Variants in RASGRP1 observed in about 807,000 individuals in gnomAD.
RASGRP1 encodes the protein RAS guanyl-releasing protein 1.
RASGRP1 carries 37 observed loss-of-function variants against 95.1 expected under a neutral mutation model. That is an observed-to-expected ratio of 0.39 (90% CI 0.30 to 0.51). RASGRP1 has a LOEUF of 0.51. RASGRP1 is among the 20% of genes least tolerant of loss of function. The pLI, the probability that RASGRP1 is intolerant of heterozygous loss-of-function variation, is 0.80. For missense variants in RASGRP1, 711 were observed against 965.4 expected (o/e 0.74, Z 3.49); for synonymous variants, 325 against 353.4 (o/e 0.92, Z 0.90).
intron 2 of RASGRP1, among the ~76,000 whole-genome samples, chr15:38,533,823 T>C (rs1892535992): frequency 1.3e-5 from 2 of 152,216 alleles, no homozygotes. Flanking sequence ...AAAGCTCTCC[T>C]GGGAGAGAAG....
Position 38,498,857 on chromosome 15 carries a change from T to C in RASGRP1, c.1810A>G (p.Asn604Asp). Residue 604 changes from asparagine to aspartate, a missense_variant, in exon 15 of 17, where the codon AAC (asparagine) becomes GAC (aspartate). Physicochemically the swap from Asn to Asp is conservative, Grantham distance 23 (BLOSUM62 1). Coordinates refer to ENST00000310803, the MANE Select transcript of RASGRP1 (RefSeq NM_005739.4). ...GACACTGGCCCCACAGAAGTGTTGTTCTCTGTGGGAGCTACTGGGTTCTTG... is the reference window on the plus strand; with the variant it reads ...GACACTGGCCCCACAGAAGTGTTGTCCTCTGTGGGAGCTACTGGGTTCTTG... ...RAKNPVAPTENNTSVGPVSNL... is the reference protein window; with the variant it reads ...RAKNPVAPTEDNTSVGPVSNL... The C allele has an allele frequency of 6.2e-7, 1 of 1,613,936 alleles. No individual in the cohort carries two copies.
chr15:38,515,619 C>T (rs1285705822), intron 6 of RASGRP1, among the ~76,000 whole-genome samples: 1 of 152,060 alleles, frequency 6.6e-6, no homozygotes, highest in African/African-American at 2.4e-5. Flanking sequence ...CAGCTTATCT[C>T]TAGAATCACA....
intron 3 of RASGRP1, among the ~76,000 whole-genome samples, chr15:38,526,098 C>T (rs1452722369): frequency 2.0e-5 from 3 of 152,090 alleles, no homozygotes; most frequent in African/African-American, 7.2e-5. Flanking sequence ...GAGCAATCAG[C>T]ATCAATAACA....
chr15:38,488,847 A>T lies in RASGRP1; in HGVS notation c.*1707T>A, dbSNP rs1363725988. Reference sequence around the variant, plus strand: ...AGTAACAAAGTGTTACTATAAGTTTATATGCCAGGTAGTGGGCTTAAGCAG... The same window carrying T: ...AGTAACAAAGTGTTACTATAAGTTTTTATGCCAGGTAGTGGGCTTAAGCAG... On this transcript the variant is annotated 3_prime_UTR_variant, in exon 17 of 17. Transcript: ENST00000310803. 1 of 152,038 alleles carries T rather than the reference A, an allele frequency of 6.6e-6. No homozygotes were observed. Among genetic ancestry groups the T allele is most frequent in the African/African-American group, 2.4e-5 (1 of 41,454 alleles). 9.4% of individuals were successfully genotyped at this position (152,038 alleles called of 1,614,324 possible). A position where few individuals can be genotyped will look rare whatever the true frequency, so the allele number is the denominator to read the frequency against.
intron 15 of RASGRP1, among the ~76,000 whole-genome samples, chr15:38,496,643 C>T (rs371395941): frequency 2.6e-5 from 4 of 152,306 alleles, no homozygotes; most frequent in East Asian, 1.9e-4. Flanking sequence ...AGTTGATTAG[C>T]ATATTCTTTC....
intron 3 of RASGRP1, among the ~76,000 whole-genome samples, chr15:38,525,244 A>G (rs1892171064): frequency 6.6e-6 from 1 of 152,222 alleles, no homozygotes; most frequent in Admixed American, 6.5e-5. Context: ...CTGGGATTAC[A>G]GATGTGAGCT....
intron 8 of RASGRP1, 108 bp downstream of exon 8, chr15:38,511,496 A>G: frequency 1.3e-6 from 1 of 787,444 alleles, no homozygotes. Flanking sequence ...CTGGTTGACA[A>G]GGGATGGTGT....
intron 2 of RASGRP1, among the ~76,000 whole-genome samples, chr15:38,527,578 TC>T (rs1474371360): frequency 1.3e-5 from 2 of 152,236 alleles, no homozygotes; most frequent in African/African-American, 4.8e-5. Flanking sequence ...CGAACTGAAT[TC>T]TGTTCCAGAC....
intron 15 of RASGRP1, 62 bp from the exon 16 acceptor site, chr15:38,494,829 G>C (rs955509256): frequency 7.8e-7 from 1 of 1,279,698 alleles, no homozygotes; most frequent in East Asian, 2.6e-5. Flanking sequence ...TCAAGACTGA[G>C]ACATTAGTTT....
At chr15:38,538,544 C>T (rs8030482) in intron 2 of RASGRP1, among the ~76,000 whole-genome samples, 277 of 152,300 alleles carry the variant, frequency 1.8e-3, no homozygotes, top group African/African-American at 6.3e-3. Context: ...GACACTGTTT[C>T]AAGACAGCCT....
rs938873045 is a variant in RASGRP1, at chr15:38,553,036, T to C, written c.220+6785A>G. Among the ~76,000 whole-genome samples, 5 of 152,208 alleles carry C rather than the reference T, an allele frequency of 3.3e-5. No individual in the cohort carries two copies. In the East Asian group the frequency reaches 9.6e-4, roughly 29 times the overall value. On this transcript the variant is annotated intron_variant, in intron 2 of 16. Coordinates refer to ENST00000310803, the MANE Select transcript of RASGRP1 (RefSeq NM_005739.4). ...ATGATGGTCCCTTATTCAAAAATTA[T>C]TAAAAATTTCAAGACTGTGACAGCA...
chr15:38,496,853 A>G (rs1890811200), intron 15 of RASGRP1, among the ~76,000 whole-genome samples: 1 of 152,242 alleles, frequency 6.6e-6, no homozygotes, highest in African/African-American at 2.4e-5. Flanking sequence ...TGATCAATAA[A>G]TGCATGTGGA....
Position 38,495,778 on chromosome 15 carries a change from A to G in RASGRP1, c.1874-1011T>C, listed in dbSNP as rs184584533. ...GTTATGGTCACCCTAAAATAATTAC[A>G]TTTTTTTTTTGGAGGAGTATTATGG... On this transcript the variant is annotated intron_variant, in intron 15 of 16. Coordinates refer to ENST00000310803, the MANE Select transcript of RASGRP1 (RefSeq NM_005739.4). 4.7e-5 allele frequency among the ~76,000 whole-genome samples: 7 copies of G among 149,406 alleles called. No individual in the cohort carries two copies. In the East Asian group the frequency reaches 1.2e-3, roughly 25 times the overall value.
At chr15:38,501,365 A>C (rs748493433) in intron 12 of RASGRP1, 78 bp from the exon 13 acceptor site, 1 of 1,507,478 alleles carries the variant, frequency 6.6e-7, no homozygotes, top group Non-Finnish European at 9.2e-7. Flanking sequence ...TTCTAGCCTT[A>C]GAAACTCACC....
At chr15:38,509,436 T>C (rs1187481042) in intron 8 of RASGRP1, among the ~76,000 whole-genome samples, 1 of 152,166 alleles carries the variant, frequency 6.6e-6, no homozygotes, top group Non-Finnish European at 1.5e-5. Context: ...ATTTTAAAAC[T>C]TATGAATTGG....
chr15:38,554,001 A>G (rs1893442237), intron 2 of RASGRP1, among the ~76,000 whole-genome samples: 1 of 152,216 alleles, frequency 6.6e-6, no homozygotes. Context: ...ATACGACAGT[A>G]TTTCTCAACA....
intron 2 of RASGRP1, among the ~76,000 whole-genome samples, chr15:38,526,640 C>T (rs778512610): frequency 4.6e-5 from 7 of 151,966 alleles, no homozygotes; most frequent in Non-Finnish European, 7.4e-5. Flanking sequence ...GTGGTAAAAT[C>T]GGGAAAGGGA....
At chr15:38,497,679 T>C (rs1339628435) in intron 15 of RASGRP1, among the ~76,000 whole-genome samples, 3 of 152,200 alleles carry the variant, frequency 2.0e-5, no homozygotes, top group Non-Finnish European at 4.4e-5. Context: ...TATATTATCT[T>C]CCCCCTAACT....
At chr15:38,511,172 G>A (rs1003092262) in intron 8 of RASGRP1, among the ~76,000 whole-genome samples, 4 of 152,186 alleles carry the variant, frequency 2.6e-5, no homozygotes, top group African/African-American at 4.8e-5. Context: ...CAAGGGTTCT[G>A]GATAGCTAAG....
Sources: allele counts gnomAD v4.1 joint callset (sites outside exome capture counted in the v4.1 genomes callset), GRCh38; gene constraint gnomAD v4.1.1; transcripts MANE v1.5; gene names NCBI Gene and HGNC (gene_info 2026-07-23, HGNC 2026-07-21).